The following PTPRM variants were observed in gnomAD, a reference collection of about 807,000 sequenced individuals.
The protein encoded by PTPRM is receptor-type tyrosine-protein phosphatase mu.
PTPRM carries 47 observed loss-of-function variants against 186.7 expected under a neutral mutation model. The ratio of observed to expected loss-of-function variants is 0.25; its 90% CI spans 0.20 to 0.32. The LOEUF is 0.32. PTPRM is among the 10% of genes least tolerant of loss of function. The pLI is 1.00. For synonymous variants in PTPRM, 668 were observed against 674.9 expected (o/e 0.99, Z 0.16); for missense variants, 1,494 against 1,865.0 (o/e 0.80, Z 3.66).
At chr18:8,189,389 G>A (rs1384652912) in intron 14 of PTPRM, among the ~76,000 whole-genome samples, 1 of 152,008 alleles carries the variant, frequency 6.6e-6, no homozygotes, top group Non-Finnish European at 1.5e-5. Flanking sequence ...ACTTCTGAGT[G>A]GTAAGGGGAA....
intron 20 of PTPRM, among the ~76,000 whole-genome samples, chr18:8,302,452 T>C (rs2147930295): frequency 6.6e-6 from 1 of 152,190 alleles, no homozygotes; most frequent in East Asian, 1.9e-4. Flanking sequence ...TTGAGGACTT[T>C]TGTCTTTATT....
chr18:7,719,918 C>T (rs908702184), intron 1 of PTPRM, among the ~76,000 whole-genome samples: 1 of 152,020 alleles, frequency 6.6e-6, no homozygotes, highest in African/African-American at 2.4e-5. Context: ...AAGTCAAAAG[C>T]CAGGTGTAGT....
intron 7 of PTPRM, among the ~76,000 whole-genome samples, chr18:7,972,478 T>TAAAAAAAAAAAAAAAAAAAAAAAAAAAA (rs1491072208): frequency 1.2e-4 from 1 of 8,132 alleles, no homozygotes; most frequent in Non-Finnish European, 2.9e-4. Context: ...AAAAAAAACA[T>TAAAAAAAAAAAAAAAAAAAAAAAAAAAA]TAAAAAAAAA....
intron 7 of PTPRM, among the ~76,000 whole-genome samples, chr18:8,019,797 T>C (rs940319687): frequency 2.1e-5 from 3 of 139,602 alleles, no homozygotes; most frequent in Non-Finnish European, 4.6e-5. Context: ...TAATAATTTA[T>C]AATATAATAT....
At chr18:8,270,747 C>T (rs992781514) in intron 19 of PTPRM, among the ~76,000 whole-genome samples, 2 of 151,972 alleles carry the variant, frequency 1.3e-5, no homozygotes, top group African/African-American at 4.8e-5. Context: ...AAATGAAATA[C>T]GTCAGAGAAA....
intron 20 of PTPRM, among the ~76,000 whole-genome samples, chr18:8,303,599 A>G (rs1416602170): frequency 6.6e-6 from 1 of 152,194 alleles, no homozygotes; most frequent in Non-Finnish European, 1.5e-5. Flanking sequence ...ATGTTTAGGA[A>G]GGCATAGGGT....
chr18:7,833,783 A>G (rs1300795140), intron 2 of PTPRM, among the ~76,000 whole-genome samples: 2 of 140,490 alleles, frequency 1.4e-5, no homozygotes, highest in African/African-American at 2.7e-5. Context: ...CAACAACAAC[A>G]AAAGCAATGC....
intron 1 of PTPRM, among the ~76,000 whole-genome samples, chr18:7,663,448 CAG>C (rs2039024244): frequency 6.6e-6 from 1 of 152,180 alleles, no homozygotes; most frequent in African/African-American, 2.4e-5. Context: ...CAAACTTGAA[CAG>C]GGGTTGGAAA....
chr18:7,833,591 G>A (rs1216731446), intron 2 of PTPRM, among the ~76,000 whole-genome samples: 1 of 151,944 alleles, frequency 6.6e-6, no homozygotes, highest in African/African-American at 2.4e-5. Flanking sequence ...AAAATTAGCC[G>A]GGCATGGTGG....
chr18:8,110,280 T>A (rs558834269), intron 11 of PTPRM, among the ~76,000 whole-genome samples: 47 of 152,286 alleles, frequency 3.1e-4, no homozygotes, highest in African/African-American at 9.4e-4. Context: ...AAAACATGTT[T>A]TTGTGCATTT....
rs1346617366 is a variant in PTPRM at position 7,838,938 on chromosome 18, A to G, written c.197-49168A>G. 2.0e-5 allele frequency among the ~76,000 whole-genome samples: 3 copies of G among 152,258 alleles called. No individual in the cohort carries two copies. The East Asian group carries it at 5.8e-4, about 30-fold the overall frequency. Reference sequence around the variant, plus strand: ...TCCAAAGGCAGAGGTGCCTCATTCCATCGCCACAGCCACCATGGGCCCACA... The same window carrying G: ...TCCAAAGGCAGAGGTGCCTCATTCCGTCGCCACAGCCACCATGGGCCCACA... On this transcript the variant is annotated intron_variant, in intron 2 of 32. Coordinates refer to ENST00000580170, the MANE Select transcript of PTPRM (RefSeq NM_001105244.2).
chr18:7,739,725 G>A (rs1456568845), intron 1 of PTPRM, among the ~76,000 whole-genome samples: 1 of 133,774 alleles, frequency 7.5e-6, no homozygotes, highest in Non-Finnish European at 1.5e-5. Flanking sequence ...TTGGGGCTTA[G>A]ACAGTCTCCT....
chr18:7,781,086 T>A (rs1012010775), intron 2 of PTPRM, among the ~76,000 whole-genome samples: 11 of 152,186 alleles, frequency 7.2e-5, no homozygotes, highest in African/African-American at 2.4e-4. Context: ...TTTATTAGTA[T>A]TATTAAATAA....
chr18:7,706,355 T>C (rs1167502788), intron 1 of PTPRM, among the ~76,000 whole-genome samples: 1 of 151,790 alleles, frequency 6.6e-6, no homozygotes, highest in Non-Finnish European at 1.5e-5. Context: ...CTTAAAACTT[T>C]GGGAGCCAAG....
chr18:8,088,553 A>T (rs2090549353), intron 10 of PTPRM, among the ~76,000 whole-genome samples, 196 bp from the exon 11 acceptor site: 1 of 152,202 alleles, frequency 6.6e-6, no homozygotes, highest in African/African-American at 2.4e-5. Flanking sequence ...CACAGAGGAC[A>T]GTATGGGCTG....
chr18:7,783,882 C>T (rs148903543), intron 2 of PTPRM, among the ~76,000 whole-genome samples: 4 of 152,130 alleles, frequency 2.6e-5, no homozygotes, highest in African/African-American at 7.2e-5. Flanking sequence ...ACTGGAATTA[C>T]AGGTGGAAGC....
At chr18:7,820,839 G>A (rs192687645) in intron 2 of PTPRM, among the ~76,000 whole-genome samples, 21 of 152,274 alleles carry the variant, frequency 1.4e-4, no homozygotes, top group African/African-American at 5.1e-4. Flanking sequence ...ACTGCCATTT[G>A]CAGCCTGCCT....
At chr18:8,382,762 C>G (rs563493748) in intron 29 of PTPRM, among the ~76,000 whole-genome samples, 99 of 152,284 alleles carry the variant, frequency 6.5e-4, no homozygotes, top group Middle Eastern at 6.8e-3. Context: ...GAAAACTATC[C>G]TGCAATCTTG....
intron 19 of PTPRM, among the ~76,000 whole-genome samples, chr18:8,287,105 AAAGAG>A (rs2094965341): frequency 6.6e-6 from 1 of 152,188 alleles, no homozygotes; most frequent in Non-Finnish European, 1.5e-5. Context: ...TTTAAAAAAA[AAAGAG>A]AAAAGAGGGA....
Sources: gnomAD v4.1 joint callset for allele counts (sites outside exome capture counted in the v4.1 genomes callset) on GRCh38, gnomAD v4.1.1 for gene constraint, MANE v1.5 for transcripts, NCBI Gene and HGNC (gene_info 2026-07-23, HGNC 2026-07-21) for gene names.